ZBBX: variants seen among roughly 807,000 people sequenced by gnomAD.
ZBBX encodes the protein zinc finger B-box domain containing.
In ZBBX, 101 loss-of-function variants were observed where a neutral mutation model predicts 108.5. That is an observed-to-expected ratio of 0.93 (90% confidence interval 0.79 to 1.10). The LOEUF (loss-of-function observed/expected upper bound fraction) is 1.10, where lower values mean the gene tolerates loss of function less well. Among genes scored for constraint, ZBBX ranks in the 50% least tolerant of loss-of-function variants. The pLI is 0.00. For synonymous variants in ZBBX, 356 were observed against 323.4 expected (o/e 1.10, Z -1.08); for missense variants, 1,009 against 941.4 (o/e 1.07, Z -0.94).
chr3:167,272,256 GA>G (rs1265467580), intron 20 of ZBBX, among the ~76,000 whole-genome samples: 1 of 152,116 alleles, frequency 6.6e-6, no homozygotes, highest in African/African-American at 2.4e-5. Context: ...CTACGTTTGA[GA>G]CAAAAGATCA....
the ZBBX span, among the ~76,000 whole-genome samples, chr3:167,194,424 T>C: frequency 6.6e-6 from 1 of 152,124 alleles, no homozygotes; most frequent in Non-Finnish European, 1.5e-5. Context: ...AATGAATTCA[T>C]GGCAGAGGAA....
chr3:167,305,859 T>C lies in ZBBX; in HGVS notation c.1509A>G (p.Glu503=), dbSNP rs745348938. 2 of 1,610,666 alleles carry C rather than the reference T, an allele frequency of 1.2e-6. No homozygotes were observed. Among genetic ancestry groups the C allele is most frequent in the Non-Finnish European group, 8.5e-7 (1 of 1,178,468 alleles). ...CTATATTTTTCTCCTTTAAATTTCTTTCAAAGGAGGTGCTTTCCTCAATTT... is the reference window on the plus strand; with the variant it reads ...CTATATTTTTCTCCTTTAAATTTCTCTCAAAGGAGGTGCTTTCCTCAATTT... The part of the protein sequence containing the change: ...IEKIEESTSF[E]RNLKEKNIGL... Residue 503 remains glutamate (E), a synonymous_variant, in exon 17 of 22, where the codon GAA becomes GAG. Coordinates refer to ENST00000675490, the MANE Select transcript of ZBBX (RefSeq NM_001199201.2).
intron 2 of ZBBX, among the ~76,000 whole-genome samples, chr3:167,374,591 A>T (rs1746656345): frequency 6.6e-6 from 1 of 152,164 alleles, no homozygotes; most frequent in Non-Finnish European, 1.5e-5. Context: ...CACAATAAAC[A>T]TTTATTAAGG....
intron 2 of ZBBX, among the ~76,000 whole-genome samples, chr3:167,378,734 T>A (rs1343640238): frequency 1.3e-5 from 2 of 152,106 alleles, no homozygotes; most frequent in Admixed American, 6.5e-5. Context: ...ACCCTTAGCA[T>A]CTCTGCTTTC....
intron 8 of ZBBX, among the ~76,000 whole-genome samples, chr3:167,355,682 A>G (rs1171145023): frequency 6.6e-6 from 1 of 152,000 alleles, no homozygotes; most frequent in Non-Finnish European, 1.5e-5. Context: ...ACAAGATAAC[A>G]TCAGAGTTTA....
chr3:167,334,053 C>T, intron 9 of ZBBX, 68 bp from the exon 10 acceptor site: 2 of 1,059,918 alleles, frequency 1.9e-6, no homozygotes, highest in South Asian at 4.7e-5. Flanking sequence ...TATACATTAA[C>T]TCATATTTGT....
intron 8 of ZBBX, among the ~76,000 whole-genome samples, chr3:167,353,342 T>C (rs1742986112): frequency 6.6e-6 from 1 of 152,034 alleles, no homozygotes; most frequent in Non-Finnish European, 1.5e-5. Flanking sequence ...TACAGCAACA[T>C]GAAAGGAACT....
intron 9 of ZBBX, among the ~76,000 whole-genome samples, chr3:167,343,053 G>A (rs1424181127): frequency 6.6e-6 from 1 of 151,684 alleles, no homozygotes; most frequent in African/African-American, 2.4e-5. Flanking sequence ...ATTGTTTTCT[G>A]GGCTTTAAAT....
intron 8 of ZBBX, among the ~76,000 whole-genome samples, 175 bp downstream of exon 8, chr3:167,359,695 G>A (rs374135015): frequency 3.3e-5 from 5 of 152,200 alleles, no homozygotes; most frequent in African/African-American, 1.2e-4. Context: ...TACAGGTATT[G>A]ACTGTCCCCA....
At chr3:167,265,660 C>A (rs1397247829) in intron 20 of ZBBX, among the ~76,000 whole-genome samples, 1 of 152,190 alleles carries the variant, frequency 6.6e-6, no homozygotes, top group Admixed American at 6.5e-5. Context: ...CTGCTGCCTA[C>A]AAATTGTAGT....
At chr3:167,204,198 CTTTT>C in the ZBBX span, among the ~76,000 whole-genome samples, 1 of 118,110 alleles carries the variant, frequency 8.5e-6, no homozygotes, top group South Asian at 2.8e-4. Context: ...TTCTTTTTTT[CTTTT>C]TTTTTTTTTT....
the ZBBX span, among the ~76,000 whole-genome samples, chr3:167,186,723 T>A: frequency 1.6e-4 from 25 of 152,170 alleles, no homozygotes; most frequent in East Asian, 4.6e-3. Flanking sequence ...ACCAACAAAA[T>A]CAATAAAATG....
At chr3:167,228,120 A>G in the ZBBX span, among the ~76,000 whole-genome samples, 1 of 151,850 alleles carries the variant, frequency 6.6e-6, no homozygotes, top group Non-Finnish European at 1.5e-5. Flanking sequence ...GTATTTTTAA[A>G]TGAAAAGACT....
At chr3:167,272,501 T>C (rs1305360281) in intron 20 of ZBBX, among the ~76,000 whole-genome samples, 2 of 152,044 alleles carry the variant, frequency 1.3e-5, no homozygotes, top group Non-Finnish European at 2.9e-5. Flanking sequence ...GACACTTGAG[T>C]CAAGAAAGCA....
intron 16 of ZBBX, among the ~76,000 whole-genome samples, chr3:167,310,078 T>C (rs1246613569): frequency 6.6e-6 from 1 of 152,216 alleles, no homozygotes; most frequent in Admixed American, 6.5e-5. Context: ...ATCATCTCTC[T>C]GAAGTTCAAA....
At chr3:167,241,042 A>T in intron 21 of ZBBX, 123 bp from the exon 22 acceptor site, 1 of 1,034,802 alleles carries the variant, frequency 9.7e-7, no homozygotes, top group Non-Finnish European at 1.4e-6. Flanking sequence ...AGGGAGCTGT[A>T]TCAGACTGGG....
chr3:167,231,942 C>G, the ZBBX span, among the ~76,000 whole-genome samples: 18 of 151,816 alleles, frequency 1.2e-4, no homozygotes, highest in Middle Eastern at 3.4e-3. Context: ...TAAATCTAAT[C>G]AGAAAGTGAA....
At chr3:167,284,016 T>C (rs1048077191) in intron 19 of ZBBX, among the ~76,000 whole-genome samples, 3 of 152,100 alleles carry the variant, frequency 2.0e-5, no homozygotes, top group African/African-American at 7.2e-5. Flanking sequence ...TTGGCCAAGG[T>C]AAGTCTCAAA....
rs550391964 is a variant in ZBBX at position 167,268,895 on chromosome 3, G to A, written c.2254+13343C>T. 1.2e-4 allele frequency among the ~76,000 whole-genome samples: 19 copies of A among 152,204 alleles called. 1 individual carries two copies. The South Asian group carries it at 1.7e-3, about 13-fold the overall frequency. On this transcript the variant is annotated intron_variant, in intron 20 of 21. Transcript: ENST00000675490. ...GAAACTATACCAGGTCCAGACCCCC[G>A]TTTAAAAGAACCAAGCCTCCATCTA...
Sources: gnomAD v4.1 joint callset for allele counts (sites outside exome capture counted in the v4.1 genomes callset) on GRCh38, gnomAD v4.1.1 for gene constraint, MANE v1.5 for transcripts, NCBI Gene and HGNC (gene_info 2026-07-23, HGNC 2026-07-21) for gene names.